The following ARHGAP45 variants were observed in gnomAD, a reference collection of about 807,000 sequenced individuals.
The protein encoded by ARHGAP45 is rho GTPase-activating protein 45.
A neutral mutation model predicts 116.1 loss-of-function variants in ARHGAP45; 56 were observed. That is an observed-to-expected ratio of 0.48 (90% CI 0.39 to 0.60). The LOEUF (loss-of-function observed/expected upper bound fraction) is 0.60, where lower values mean the gene tolerates loss of function less well. ARHGAP45 is among the 20% of genes least tolerant of loss of function. The pLI, the probability that ARHGAP45 is intolerant of heterozygous loss-of-function variation, is 0.00. For missense variants in ARHGAP45, 1,622 were observed against 1,601.0 expected, an observed-to-expected ratio of 1.01 and a Z score of -0.22; for synonymous variants, 866 against 701.7, an observed-to-expected ratio of 1.23 and a Z score of -3.70.
At position 1,077,843 on chromosome 19, in the gene ARHGAP45, T is replaced by G. The variant is rs1213197936; in HGVS notation, c.1186-14T>G. ...ATAGGGTTGGAACTGGCCTCCTGGC[T>G]CCCACACCCACAGCAAGAGGCGGAG... On this transcript the variant is annotated splice_polypyrimidine_tract_variant and intron_variant, in intron 10 of 22. Transcript: ENST00000313093. 6.4e-7 allele frequency: 1 copy of G among 1,551,752 alleles called. No homozygotes were observed. The highest frequency in any genetic ancestry group is 2.0e-5 in the Admixed American group (1 of 51,090).
rs1387491691 is a variant in ARHGAP45, at chr19:1,071,454, C to T, written c.422-1695C>T. 2.6e-5 allele frequency: 25 copies of T among 978,906 alleles called. No individual in the cohort carries two copies. The highest frequency in any genetic ancestry group is 3.0e-5 in the Non-Finnish European group (24 of 807,044). 60.6% of individuals were successfully genotyped at this position (978,906 alleles called of 1,614,324 possible). The stretch of plus-strand genomic sequence containing the variant: ...CCCGCGGTGGGGGAGCAGCGGCTGC[C>T]GCGCGCCTGGCCTGGCCGTGCGCAC... On this transcript the variant is annotated intron_variant, in intron 2 of 22. Transcript: ENST00000313093. This position sits in a 1 kb window ranked among gnomAD's most constrained non-coding sequence, Gnocchi z 4.6.
At chr19:1,077,620 A>G (rs901718619) in intron 10 of ARHGAP45, 2 of 1,386,904 alleles carry the variant, frequency 1.4e-6, no homozygotes, top group Non-Finnish European at 1.9e-6. Context: ...TCCTGACCTC[A>G]AGTGATCCAC....
rs771619517 is a variant in ARHGAP45, at chr19:1,086,052, C to T, written c.*46C>T. ...ACAGGTGGCTTCTCTCTTGCCTGCT[C>T]CTGTCCCTCCAGCACGTCCCCTGCA... is the stretch of plus-strand genomic sequence containing the variant. On this transcript the variant is annotated 3_prime_UTR_variant, in exon 23 of 23. Coordinates refer to ENST00000313093, the MANE Select transcript of ARHGAP45 (RefSeq NM_012292.5). 1 of 1,507,692 alleles carries T rather than the reference C, an allele frequency of 6.6e-7. No individual in the cohort carries two copies. The highest frequency in any genetic ancestry group is 9.1e-7 in the Non-Finnish European group (1 of 1,095,342). The allele number at this position is 1,507,692 out of a possible 1,614,324, so 93.4% of individuals were successfully genotyped here.
intron 19 of ARHGAP45, 66 bp from the exon 20 acceptor site, chr19:1,082,774 C>A: frequency 7.5e-7 from 1 of 1,327,338 alleles, no homozygotes; most frequent in Non-Finnish European, 1.0e-6. Context: ...AGGCTGGGGG[C>A]GTGGCAGGCA....
chr19:1,068,190 G>C lies in ARHGAP45; in HGVS notation c.91-224G>C. Reference sequence around the variant, plus strand: ...TCCCCGCAGGCCCCGCCCCGGCTGTGGTTTGGGCAAGGACCGTTGTTTGTG... The same window carrying C: ...TCCCCGCAGGCCCCGCCCCGGCTGTCGTTTGGGCAAGGACCGTTGTTTGTG... On this transcript the variant is annotated intron_variant, in intron 1 of 22. Coordinates refer to ENST00000313093, the MANE Select transcript of ARHGAP45 (RefSeq NM_012292.5). The surrounding 1 kb of genome is among the most constrained non-coding windows in gnomAD (Gnocchi z 7.5). The C allele has an allele frequency of 1.9e-6, 1 of 532,258 alleles. No homozygotes were observed. Among genetic ancestry groups the C allele is most frequent in the Non-Finnish European group, 3.2e-6 (1 of 307,720 alleles). The allele number at this position is 532,258 out of a possible 1,614,324, so 33.0% of individuals were successfully genotyped here.
chr19:1,071,443 G>A lies in ARHGAP45; in HGVS notation c.422-1706G>A. The A allele has an allele frequency of 9.8e-7, 1 of 1,023,390 alleles. No homozygotes were observed. Among genetic ancestry groups the A allele is most frequent in the Non-Finnish European group, 1.2e-6 (1 of 842,928 alleles). 63.4% of individuals were successfully genotyped at this position (1,023,390 alleles called of 1,614,324 possible). On this transcript the variant is annotated intron_variant, in intron 2 of 22. Coordinates refer to ENST00000313093, the MANE Select transcript of ARHGAP45 (RefSeq NM_012292.5). This position sits in a 1 kb window ranked among gnomAD's most constrained non-coding sequence, Gnocchi z 4.6. ...GCCGTTTGCCGCCCGCGGTGGGGGA[G>A]CAGCGGCTGCCGCGCGCCTGGCCTG...
rs2043491095 is a variant in ARHGAP45, at chr19:1,083,071, G to C, written c.2744+5G>C. On this transcript the variant is annotated splice_donor_5th_base_variant and intron_variant, in intron 20 of 22. Transcript: ENST00000313093. ...CCTGCTGCGTCACCTACGCAGGTGA[G>C]TCCCGGCATATGGAGTGGAGGGCGC... The C allele has an allele frequency of 1.3e-6, 2 of 1,553,476 alleles. No homozygotes were observed. The highest frequency in any genetic ancestry group is 1.7e-6 in the Non-Finnish European group (2 of 1,153,836).
intron 2 of ARHGAP45, among the ~76,000 whole-genome samples, chr19:1,070,633 C>T (rs1161351601): frequency 1.1e-4 from 17 of 152,116 alleles, no homozygotes; most frequent in Admixed American, 1.1e-3. Flanking sequence ...AGGCGTGAGC[C>T]ATCGCGCCCG....
rs148933347 is a variant in ARHGAP45, at chr19:1,085,869, G to A, written c.3274G>A (p.Gly1092Ser). ...AREDGDGDED[G>S]PAQQLSGFNT... ...GGAGGACGGGGACGGGGACGAGGAC[G>A]GCCCGGCCCAGCAGCTCTCAGGATT... is the stretch of plus-strand genomic sequence containing the variant. The change falls in exon 23 of 23, where the codon GGC becomes AGC. Residue 1092 changes from glycine to serine, a missense_variant. Around this residue, in one of 3 missense-constraint regions of ARHGAP45, gnomAD observed 1,334 missense variants for 1,263.8 expected, o/e 1.06. Coordinates refer to ENST00000313093, the MANE Select transcript of ARHGAP45 (RefSeq NM_012292.5). The A allele has an allele frequency of 8.1e-5, 131 of 1,612,946 alleles. 2 individuals carry two copies. The highest frequency in any genetic ancestry group is 7.7e-4 in the Admixed American group (46 of 60,016).
chr19:1,074,593 G>A lies in ARHGAP45; in HGVS notation c.994-21G>A, dbSNP rs575792246. ...CTGCCTCCATCCCTCCCCACCCAGT[G>A]AGCCGGTGCCCCACCCACAGCCCCA... On this transcript the variant is annotated intron_variant, in intron 8 of 22. Coordinates refer to ENST00000313093, the MANE Select transcript of ARHGAP45 (RefSeq NM_012292.5). 444 of 1,534,930 alleles carry A rather than the reference G, an allele frequency of 2.9e-4. 1 individual carries two copies. The highest frequency in any genetic ancestry group is 7.1e-4 in the Admixed American group (36 of 50,894).
chr19:1,072,071 T>C (rs557756825), intron 2 of ARHGAP45, among the ~76,000 whole-genome samples: 2 of 152,186 alleles, frequency 1.3e-5, no homozygotes, highest in African/African-American at 4.8e-5. Flanking sequence ...TTCTTTCCTT[T>C]CTTTTTGGGA....
In ARHGAP45 at chr19:1,068,301, T is replaced by G. The variant is rs2043076555; in HGVS notation, c.91-113T>G. 1 of 935,422 alleles carries G rather than the reference T, an allele frequency of 1.1e-6. No homozygotes were observed. The highest frequency in any genetic ancestry group is 1.7e-5 in the South Asian group (1 of 57,238). 57.9% of individuals were successfully genotyped at this position (935,422 alleles called of 1,614,324 possible). A position where few individuals can be genotyped will look rare whatever the true frequency, so the allele number is the denominator to read the frequency against. The stretch of plus-strand genomic sequence containing the variant: ...CCTGTGACCTCTGGCCTTTGACCCC[T>G]GTGGGGTCAGGGTGATGGTGGCCCT... On this transcript the variant is annotated intron_variant, in intron 1 of 22. Coordinates refer to ENST00000313093, the MANE Select transcript of ARHGAP45 (RefSeq NM_012292.5). The surrounding 1 kb of genome is among the most constrained non-coding windows in gnomAD (Gnocchi z 7.5).
intron 4 of ARHGAP45, 22 bp downstream of exon 4, chr19:1,073,612 G>A: frequency 6.2e-7 from 1 of 1,613,384 alleles, no homozygotes; most frequent in Non-Finnish European, 8.5e-7. Flanking sequence ...AGCCTGTGGG[G>A]CAGGGCAAGG....
upstream of ARHGAP45, among the ~76,000 whole-genome samples, chr19:1,067,003 G>C (rs931814287): frequency 6.6e-6 from 1 of 152,150 alleles, no homozygotes; most frequent in African/African-American, 2.4e-5. Flanking sequence ...TCGCGTCCGG[G>C]AGTGAGAGTC....
In ARHGAP45 at chr19:1,073,660, C is replaced by A; in HGVS notation, c.651-14C>A. 1.2e-6 allele frequency: 2 copies of A among 1,608,744 alleles called. No individual in the cohort carries two copies. The highest frequency in any genetic ancestry group is 4.5e-5 in the East Asian group (2 of 44,726). ...CCCGGGTGTCTCTCGATGGTGACCT[C>A]GCTGGCCCTGCAGAGTGTCCGAGTT... On this transcript the variant is annotated splice_polypyrimidine_tract_variant and intron_variant, in intron 4 of 22. Transcript: ENST00000313093.
intron 19 of ARHGAP45, 87 bp downstream of exon 19, chr19:1,082,048 C>G: frequency 1.5e-6 from 2 of 1,342,838 alleles, no homozygotes; most frequent in Non-Finnish European, 2.0e-6. Flanking sequence ...GGAGCTGGAG[C>G]AGGACTGAGC....
intron 10 of ARHGAP45, among the ~76,000 whole-genome samples, chr19:1,076,481 G>GTTTTTTTTTTTTTTTTT (rs1568464614): frequency 2.3e-4 from 24 of 104,168 alleles, no homozygotes; most frequent in African/African-American, 8.7e-4. Flanking sequence ...GTTGGCAGTA[G>GTTTTTTTTTTTTTTTTT]TCTTTTTTTT....
At chr19:1,073,471 G>T in intron 3 of ARHGAP45, 35 bp from the exon 4 acceptor site, 2 of 1,601,222 alleles carry the variant, frequency 1.2e-6, no homozygotes, top group South Asian at 2.2e-5. Flanking sequence ...CTCCCAGAGT[G>T]GGCCCACCTC....
chr19:1,084,706 G>T (rs564749901), intron 22 of ARHGAP45, among the ~76,000 whole-genome samples: 43 of 152,266 alleles, frequency 2.8e-4, no homozygotes, highest in African/African-American at 9.4e-4. Flanking sequence ...CCCACGTGGG[G>T]CCAGCACCAC....
Sources: allele counts gnomAD v4.1 joint callset (sites outside exome capture counted in the v4.1 genomes callset), GRCh38; gene constraint gnomAD v4.1.1; regional missense constraint gnomAD v4.1.1; non-coding constraint Gnocchi (gnomAD v3.1); transcripts MANE v1.5; gene names NCBI Gene and HGNC (gene_info 2026-07-23, HGNC 2026-07-21).